Variants in STX17 observed in about 807,000 individuals in gnomAD.
STX17 encodes the protein syntaxin-17.
In STX17, 29 loss-of-function variants were observed where a neutral mutation model predicts 35.9. The ratio of observed to expected loss-of-function variants is 0.81; its 90% CI spans 0.60 to 1.10. The LOEUF (loss-of-function observed/expected upper bound fraction) is 1.10. Ranked by LOEUF, STX17 falls within the 50% of genes least tolerant of loss-of-function variation. STX17 has a pLI of 0.00. For synonymous variants in STX17, 92 were observed against 118.3 expected, an observed-to-expected ratio of 0.78 and a Z score of 1.44; for missense variants, 312 against 352.3, an observed-to-expected ratio of 0.89 and a Z score of 0.92.
intron 4 of STX17, among the ~76,000 whole-genome samples, chr9:99,955,063 T>A (rs2118500302): frequency 1.3e-5 from 2 of 152,236 alleles, no homozygotes; most frequent in South Asian, 2.1e-4. Context: ...GTGAGGAGCC[T>A]CCAAATCTGA....
intron 3 of STX17, among the ~76,000 whole-genome samples, chr9:99,950,384 C>T (rs373560014): frequency 6.6e-6 from 1 of 151,684 alleles, no homozygotes; most frequent in African/African-American, 2.4e-5. Context: ...GGGAGTCTTT[C>T]CTACACAAAA....
At chr9:99,966,874 T>G (rs1829922930) in intron 6 of STX17, among the ~76,000 whole-genome samples, 1 of 152,256 alleles carries the variant, frequency 6.6e-6, no homozygotes, top group South Asian at 2.1e-4. Context: ...TTGTCAGGAA[T>G]GTTACAGTAG....
chr9:99,943,159 A>C (rs1829401602), intron 3 of STX17, among the ~76,000 whole-genome samples: 1 of 151,922 alleles, frequency 6.6e-6, no homozygotes. Context: ...TTTGAGATGC[A>C]GTCTCGGTCT....
chr9:99,951,390 T>A, intron 4 of STX17, 105 bp downstream of exon 4: 1 of 980,820 alleles, frequency 1.0e-6, no homozygotes, highest in Non-Finnish European at 1.5e-6. Flanking sequence ...CAGAGACCAT[T>A]CACTATCCCA....
rs181129017 is a variant in STX17, at chr9:99,914,595, C to T, written c.-62-583C>T. On this transcript the variant is annotated intron_variant, in intron 1 of 7. Coordinates refer to ENST00000259400, the MANE Select transcript of STX17 (RefSeq NM_017919.3). ...AATCAGTTGTAGGCAATACTAATCA[C>T]TTTATTGAAAATGGAAGAGGCAGTT... Among the ~76,000 whole-genome samples, 741 of 152,234 alleles carry T rather than the reference C, an allele frequency of 4.9e-3. 7 individuals carry two copies. The highest frequency in any genetic ancestry group is 7.7e-3 in the Non-Finnish European group (521 of 68,030).
chr9:99,944,068 A>T (rs974629485), intron 3 of STX17, among the ~76,000 whole-genome samples: 16 of 151,010 alleles, frequency 1.1e-4, no homozygotes, highest in Non-Finnish European at 1.6e-4. Context: ...CTAATAATTT[A>T]TTTCATCTAA....
chr9:99,915,341 G>T lies in STX17; in HGVS notation c.102G>T (p.Lys34Asn). 1 of 1,604,822 alleles carries T rather than the reference G, an allele frequency of 6.2e-7. No homozygotes were observed. Among genetic ancestry groups the T allele is most frequent in the Non-Finnish European group, 8.5e-7 (1 of 1,176,340 alleles). ...CAACAGACCTGGAAAGGTTAAGAAAGCACCAGATAAATATTGAGAAGGTGA... is the reference window on the plus strand; with the variant it reads ...CAACAGACCTGGAAAGGTTAAGAAATCACCAGATAAATATTGAGAAGGTGA... ...VIPTDLERLR[K>N]HQINIEKYQR... Residue 34 changes from lysine to asparagine, a missense_variant, in exon 2 of 8, where the codon AAG becomes AAT. By Grantham distance (94) the Lys-to-Asn change is moderately conservative (BLOSUM62 0). Transcript: ENST00000259400.
chr9:99,942,950 T>G (rs1301124589), intron 3 of STX17, among the ~76,000 whole-genome samples: 1 of 152,188 alleles, frequency 6.6e-6, no homozygotes, highest in Non-Finnish European at 1.5e-5. Flanking sequence ...TTTTGATATC[T>G]AATAGAGGAA....
intron 3 of STX17, among the ~76,000 whole-genome samples, chr9:99,935,110 C>G (rs1829203123): frequency 6.6e-6 from 1 of 152,036 alleles, no homozygotes; most frequent in South Asian, 2.1e-4. Context: ...GCGGGCAGAT[C>G]ACGAGGTCAG....
At chr9:99,960,242 T>C (rs1829801582) in intron 6 of STX17, 87 bp downstream of exon 6, 3 of 1,309,424 alleles carry the variant, frequency 2.3e-6, no homozygotes, top group Non-Finnish European at 3.2e-6. Context: ...ATTAGAATTT[T>C]AATAGAACTT....
intron 6 of STX17, among the ~76,000 whole-genome samples, chr9:99,960,564 C>T (rs1445874719): frequency 6.6e-6 from 1 of 152,120 alleles, no homozygotes; most frequent in Non-Finnish European, 1.5e-5. Flanking sequence ...CTCCCTCAGC[C>T]TCCTGAGTAG....
chr9:99,925,137 T>A (rs946364526), intron 2 of STX17, among the ~76,000 whole-genome samples: 1 of 152,114 alleles, frequency 6.6e-6, no homozygotes, highest in African/African-American at 2.4e-5. Flanking sequence ...CTATAGCTCT[T>A]GGTTTTTTAT....
rs940528753 is a variant in STX17, at chr9:99,964,976, C to T, written c.583-2677C>T. Among the ~76,000 whole-genome samples the T allele has an allele frequency of 4.6e-5, 7 of 152,246 alleles. No individual in the cohort carries two copies. The East Asian group carries it at 1.2e-3, about 25-fold the overall frequency. On this transcript the variant is annotated intron_variant, in intron 6 of 7. Transcript: ENST00000259400. ...CGGACAAGAGAAAGGCAGACGTGCACAATCGAGGGGTGATTATTGATCCCA... is the reference window on the plus strand; with the variant it reads ...CGGACAAGAGAAAGGCAGACGTGCATAATCGAGGGGTGATTATTGATCCCA...
At chr9:99,921,567 A>G (rs925788792) in intron 2 of STX17, among the ~76,000 whole-genome samples, 2 of 150,966 alleles carry the variant, frequency 1.3e-5, no homozygotes, top group Non-Finnish European at 2.9e-5. Flanking sequence ...GCCAGAGCAC[A>G]CTGGTATACT....
At position 99,915,204 on chromosome 9, in the gene STX17, G is replaced by C; in HGVS notation, c.-36G>C. On this transcript the variant is annotated 5_prime_UTR_variant, in exon 2 of 8. Coordinates refer to ENST00000259400, the MANE Select transcript of STX17 (RefSeq NM_017919.3). ...TTTTTCTATATGAGTGGAGAAGACA[G>C]CTGTTACCAGGGAGGTCATACAACA... The C allele has an allele frequency of 6.3e-7, 1 of 1,594,030 alleles. No homozygotes were observed. Among genetic ancestry groups the C allele is most frequent in the South Asian group, 1.1e-5 (1 of 87,006 alleles).
intron 2 of STX17, among the ~76,000 whole-genome samples, chr9:99,922,824 T>TCCAAACCTGGAGGGC (rs1828914505): frequency 6.6e-6 from 1 of 152,130 alleles, no homozygotes; most frequent in Non-Finnish European, 1.5e-5. Context: ...GTGCTCCATC[T>TCCAAACCTGGAGGGC]CCAAACCTGG....
Position 99,960,950 on chromosome 9 carries a change from G to T in STX17, c.582+795G>T, listed in dbSNP as rs1158355799. 2.0e-5 allele frequency among the ~76,000 whole-genome samples: 3 copies of T among 152,190 alleles called. No individual in the cohort carries two copies. The East Asian group carries it at 5.8e-4, about 29-fold the overall frequency. ...ACACAGGTAGACAGTATTTGTATGA[G>T]CCTTGAAAAATGAGTAAATATCCAC... On this transcript the variant is annotated intron_variant, in intron 6 of 7. Coordinates refer to ENST00000259400, the MANE Select transcript of STX17 (RefSeq NM_017919.3).
chr9:99,912,291 C>T (rs920340563), intron 1 of STX17, among the ~76,000 whole-genome samples: 6 of 151,018 alleles, frequency 4.0e-5, no homozygotes, highest in Non-Finnish European at 7.4e-5. Context: ...ATTTTTTATC[C>T]GTTTGGTGAT....
intron 3 of STX17, among the ~76,000 whole-genome samples, chr9:99,942,510 G>A (rs978973087): frequency 6.6e-6 from 1 of 151,910 alleles, no homozygotes; most frequent in Admixed American, 6.6e-5. Context: ...TTTTAGAGAC[G>A]GGGTCTCCTT....
Sources: allele counts gnomAD v4.1 joint callset (sites outside exome capture counted in the v4.1 genomes callset), GRCh38; gene constraint gnomAD v4.1.1; transcripts MANE v1.5; gene names NCBI Gene and HGNC (gene_info 2026-07-23, HGNC 2026-07-21).